SLC39A12: variants seen among roughly 807,000 people sequenced by gnomAD.
The protein encoded by SLC39A12 is solute carrier family 39 member 12, also known as zinc transporter ZIP12.
SLC39A12 carries 63 observed loss-of-function variants against 71.1 expected under a neutral mutation model. That is an observed-to-expected ratio of 0.89 (90% confidence interval 0.72 to 1.09). The LOEUF (loss-of-function observed/expected upper bound fraction) is 1.09. Ranked by LOEUF, SLC39A12 falls within the 50% of genes least tolerant of loss-of-function variation. The pLI is 0.00. For synonymous variants in SLC39A12, 351 were observed against 301.3 expected, an observed-to-expected ratio of 1.16 and a Z score of -1.71; for missense variants, 892 against 812.6, an observed-to-expected ratio of 1.10 and a Z score of -1.19.
chr10:18,012,709 A>G (rs1265171928), intron 12 of SLC39A12, among the ~76,000 whole-genome samples: 1 of 152,100 alleles, frequency 6.6e-6, no homozygotes, highest in Admixed American at 6.5e-5. Context: ...TCTACTAAAA[A>G]TACAAAAATT....
At chr10:17,983,213 A>G (rs1052993593) in intron 6 of SLC39A12, among the ~76,000 whole-genome samples, 8 of 147,918 alleles carry the variant, frequency 5.4e-5, no homozygotes, top group African/African-American at 1.0e-4. Flanking sequence ...TAGAAAGGCC[A>G]GGTGCAGTGT....
At position 17,963,742 on chromosome 10, in the gene SLC39A12, G is replaced by A. The variant is rs147315921; in HGVS notation, c.544-1741G>A. Among the ~76,000 whole-genome samples the A allele has an allele frequency of 2.8e-3, 420 of 152,252 alleles. 1 individual carries two copies. The highest frequency in any genetic ancestry group is 4.3e-3 in the Non-Finnish European group (294 of 68,022). The stretch of plus-strand genomic sequence containing the variant: ...ATGGCATGAGGTCAGATGAGGTTCT[G>A]GCTCACCAGGCCCATCATTACTTGA... On this transcript the variant is annotated intron_variant, in intron 3 of 12. Transcript: ENST00000377369.
chr10:17,983,117 G>A (rs570066386), intron 6 of SLC39A12, among the ~76,000 whole-genome samples: 7 of 138,104 alleles, frequency 5.1e-5, no homozygotes, highest in Non-Finnish European at 9.2e-5. Flanking sequence ...GCAGTGAGCC[G>A]AGGTCAGCAC....
intron 12 of SLC39A12, among the ~76,000 whole-genome samples, chr10:18,027,490 G>T (rs1355007497): frequency 6.6e-6 from 1 of 152,224 alleles, no homozygotes; most frequent in African/African-American, 2.4e-5. Flanking sequence ...AGAACCCGTG[G>T]AGCTCCTGGA....
At chr10:17,990,200 G>A (rs373137668) in intron 7 of SLC39A12, among the ~76,000 whole-genome samples, 1 of 152,148 alleles carries the variant, frequency 6.6e-6, no homozygotes, top group African/African-American at 2.4e-5. Flanking sequence ...TATTAGGTGG[G>A]TATCCTTAAA....
chr10:18,017,817 G>A (rs1287341526), intron 12 of SLC39A12, among the ~76,000 whole-genome samples: 1 of 152,134 alleles, frequency 6.6e-6, no homozygotes, highest in Admixed American at 6.5e-5. Context: ...GGTGGTGTCA[G>A]GCCTCCAATA....
intron 7 of SLC39A12, among the ~76,000 whole-genome samples, chr10:17,989,075 G>A (rs1835475752): frequency 6.6e-6 from 1 of 152,182 alleles, no homozygotes; most frequent in African/African-American, 2.4e-5. Flanking sequence ...CGTGTGCTGA[G>A]GCTCTTTTTC....
chr10:18,038,519 G>A (rs1837127290), intron 12 of SLC39A12, among the ~76,000 whole-genome samples: 1 of 152,090 alleles, frequency 6.6e-6, no homozygotes, highest in African/African-American at 2.4e-5. Flanking sequence ...GTGTGGTGGT[G>A]TGTGCCTGTA....
chr10:18,041,844 CGT>C (rs1564668551), intron 12 of SLC39A12, among the ~76,000 whole-genome samples: 3 of 140,030 alleles, frequency 2.1e-5, no homozygotes, highest in East Asian at 2.0e-4. Context: ...CATATGTATA[CGT>C]ATATATATGT....
At chr10:18,019,209 T>C (rs74835772) in intron 12 of SLC39A12, among the ~76,000 whole-genome samples, 3,282 of 152,160 alleles carry the variant, frequency 0.022, 50 homozygotes, top group South Asian at 0.047. Flanking sequence ...TTCTTTATTA[T>C]CCTTTAATGT....
At chr10:17,987,759 C>T (rs758321492) in intron 7 of SLC39A12, 108 bp downstream of exon 7, 63 of 1,144,290 alleles carry the variant, frequency 5.5e-5, no homozygotes, top group Non-Finnish European at 7.5e-5. Flanking sequence ...GAGAGAGTAT[C>T]GTGGCTGGTG....
intron 4 of SLC39A12, among the ~76,000 whole-genome samples, chr10:17,969,257 T>G (rs182838821): frequency 6.6e-6 from 1 of 152,272 alleles, no homozygotes; most frequent in Non-Finnish European, 1.5e-5. Flanking sequence ...AAAATGAGAG[T>G]GCAGATATCT....
intron 8 of SLC39A12, 33 bp from the exon 9 acceptor site, chr10:17,993,148 C>T (rs1290144003): frequency 6.8e-7 from 1 of 1,469,340 alleles, no homozygotes. Context: ...GTTCTTCTGG[C>T]TTCAACACTA....
chr10:18,009,583 T>G (rs996536780), intron 12 of SLC39A12: 7 of 152,238 alleles, frequency 4.6e-5, no homozygotes, highest in African/African-American at 1.7e-4. Context: ...TTCAACCTTA[T>G]TTTACTTATC....
chr10:17,960,981 T>C (rs1262347814), intron 2 of SLC39A12, among the ~76,000 whole-genome samples: 2 of 152,210 alleles, frequency 1.3e-5, no homozygotes, highest in East Asian at 3.8e-4. Flanking sequence ...AAATGACATA[T>C]GTGGCTCATA....
chr10:17,991,960 G>A (rs920079583), intron 8 of SLC39A12, among the ~76,000 whole-genome samples: 20 of 151,674 alleles, frequency 1.3e-4, no homozygotes, highest in Admixed American at 7.9e-4. Context: ...ATGATGCCGC[G>A]CGCCTGTAAT....
chr10:17,983,224 C>G (rs1158849747), intron 6 of SLC39A12, among the ~76,000 whole-genome samples: 2 of 147,974 alleles, frequency 1.4e-5, no homozygotes, highest in Admixed American at 6.7e-5. Flanking sequence ...GGTGCAGTGT[C>G]TCACACCTGT....
chr10:18,006,462 A>G (rs778920784), intron 12 of SLC39A12, among the ~76,000 whole-genome samples: 1 of 152,204 alleles, frequency 6.6e-6, no homozygotes, highest in Non-Finnish European at 1.5e-5. Context: ...TCAGTGTCCT[A>G]GACTGGGTTT....
intron 12 of SLC39A12, among the ~76,000 whole-genome samples, chr10:18,031,306 C>G (rs974260474): frequency 8.3e-5 from 12 of 144,092 alleles, no homozygotes; most frequent in South Asian, 2.2e-4. Flanking sequence ...CTCTCCAGCA[C>G]CTGTTGTTTC....
Sources: gnomAD v4.1 joint callset for allele counts (sites outside exome capture counted in the v4.1 genomes callset) on GRCh38, gnomAD v4.1.1 for gene constraint, MANE v1.5 for transcripts, NCBI Gene and HGNC (gene_info 2026-07-23, HGNC 2026-07-21) for gene names.